Variants in INAVA observed in about 807,000 individuals in gnomAD.
INAVA encodes innate immunity activator.
Under a neutral mutation model 55.3 loss-of-function variants are expected in INAVA, and 32 were observed. The observed-to-expected ratio is 0.58, with a 90% CI of 0.44 to 0.78. The LOEUF (loss-of-function observed/expected upper bound fraction) is 0.78. INAVA is among the 30% of genes least tolerant of loss of function. The pLI is 0.00. For synonymous variants in INAVA, 294 were observed against 329.4 expected (o/e 0.89, Z 1.16); for missense variants, 756 against 786.4 (o/e 0.96, Z 0.46).
At chr1:200,892,524 G>A (rs1290614548), upstream of INAVA, among the ~76,000 whole-genome samples, 1 of 152,132 alleles carries the variant, frequency 6.6e-6, no homozygotes, top group Non-Finnish European at 1.5e-5. Context: ...CTCTTCCCTG[G>A]GGAAGGGCTC....
intron 1 of INAVA, among the ~76,000 whole-genome samples, chr1:200,897,994 C>T (rs1289771982): frequency 5.9e-5 from 9 of 152,154 alleles, no homozygotes; most frequent in Non-Finnish European, 1.0e-4. Context: ...TGCTCTTTTC[C>T]TTCTTGCCCT....
At chr1:200,906,257 G>C (rs1286092695) in intron 5 of INAVA, 1 of 152,316 alleles carries the variant, frequency 6.6e-6, no homozygotes, top group East Asian at 1.9e-4. Context: ...GGTGGCTCAC[G>C]CCTGTGATCC....
intron 8 of INAVA, 137 bp from the exon 9 acceptor site, chr1:200,911,316 C>T: frequency 1.2e-6 from 1 of 848,032 alleles, no homozygotes; most frequent in Non-Finnish European, 1.9e-6. Flanking sequence ...GAGACTTGAC[C>T]TAAGACCCTT....
intron 8 of INAVA, among the ~76,000 whole-genome samples, chr1:200,909,657 C>T (rs1423322531): frequency 1.3e-5 from 2 of 152,210 alleles, no homozygotes; most frequent in Non-Finnish European, 2.9e-5. Flanking sequence ...AAATTTTCTA[C>T]CCTTGCCATG....
intron 9 of INAVA, among the ~76,000 whole-genome samples, chr1:200,912,644 T>C (rs1653800324): frequency 6.6e-6 from 1 of 152,084 alleles, no homozygotes; most frequent in Non-Finnish European, 1.5e-5. Context: ...GCACCCACCC[T>C]CAAGCTAGAC....
In INAVA at chr1:200,910,756, A is replaced by G. The variant is rs370276138; in HGVS notation, c.960-697A>G. On this transcript the variant is annotated intron_variant, in intron 8 of 9. Transcript: ENST00000413687. Reference sequence around the variant, plus strand: ...GCCACCACACAGCAATAGATTTTATATTTTACATGCTACGAGGGCCATTTT... The same window carrying G: ...GCCACCACACAGCAATAGATTTTATGTTTTACATGCTACGAGGGCCATTTT... Among the ~76,000 whole-genome samples, 73 of 152,268 alleles carry G rather than the reference A, an allele frequency of 4.8e-4. 2 individuals are homozygous for G. The South Asian group carries it at 0.015, about 31-fold the overall frequency.
chr1:200,904,564 G>C (rs1347512241), intron 5 of INAVA, among the ~76,000 whole-genome samples: 1 of 152,226 alleles, frequency 6.6e-6, no homozygotes, highest in Non-Finnish European at 1.5e-5. Context: ...GTGTTGGACA[G>C]CATAGCCTTG....
intron 8 of INAVA, among the ~76,000 whole-genome samples, chr1:200,910,998 G>A (rs1366878712): frequency 6.6e-6 from 1 of 152,096 alleles, no homozygotes. Flanking sequence ...TGGACACGGT[G>A]TACCTAAGCT....
At chr1:200,908,038 G>T (rs573132105) in intron 6 of INAVA, 151 bp downstream of exon 6, 45 of 579,472 alleles carry the variant, frequency 7.8e-5, no homozygotes, top group Non-Finnish European at 1.2e-4. Flanking sequence ...GTCAATTTCC[G>T]CATGTCCTTG....
In INAVA at chr1:200,911,795, G is replaced by A. The variant is rs1473242364; in HGVS notation, c.1302G>A (p.Ala434=). The change falls in exon 9 of 10, where the codon GCG becomes GCA. Residue 434 remains alanine (A), a synonymous_variant. Coordinates refer to ENST00000413687, the MANE Select transcript of INAVA (RefSeq NM_001142569.3). The part of the protein sequence containing the change: ...KLLLPPGYFP[A]GRYVVVAESP... ...TGCTGCCGCCTGGCTATTTCCCGGCGGGGCGGTACGTGGTGGTGGCTGAGA... is the reference window on the plus strand; with the variant it reads ...TGCTGCCGCCTGGCTATTTCCCGGCAGGGCGGTACGTGGTGGTGGCTGAGA... 1.2e-6 allele frequency: 2 copies of A among 1,608,962 alleles called. No homozygotes were observed. Among genetic ancestry groups the A allele is most frequent in the Admixed American group, 3.3e-5 (2 of 59,778 alleles).
At position 200,908,781 on chromosome 1, in the gene INAVA, G is replaced by A. The variant is rs140927822; in HGVS notation, c.626G>A (p.Arg209Gln). Residue 209 changes from arginine to glutamine, a missense_variant, in exon 7 of 10, where the codon CGG (arginine) becomes CAG (glutamine). Physicochemically the swap from Arg to Gln is conservative, Grantham distance 43. Around this residue, in one of 2 missense-constraint regions of INAVA, gnomAD observed 639 missense variants for 624.3 expected, o/e 1.02. Transcript: ENST00000413687. ...CCAGAGTCTCCAGCCCCACCTTCTC[G>A]GCCTCTCCCACCCCAAACCCTTGAG... is the stretch of plus-strand genomic sequence containing the variant. ...PPPESPAPPS[R>Q]PLPPQTLEGL... The A allele has an allele frequency of 1.9e-5, 31 of 1,610,490 alleles. No individual in the cohort carries two copies. In the Middle Eastern group the frequency reaches 1.2e-3, roughly 60 times the overall value.
In INAVA at chr1:200,898,373, C is replaced by T. The variant is rs146986422; in HGVS notation, c.-28C>T. The T allele has an allele frequency of 5.0e-6, 8 of 1,614,202 alleles. No individual in the cohort carries two copies. The highest frequency in any genetic ancestry group is 6.8e-6 in the Non-Finnish European group (8 of 1,180,036). ...GGTCACGGTGTCCCCCCTCCCTGCT[C>T]TGTGCCCTCTCCTTCCAGAAATCCA... On this transcript the variant is annotated 5_prime_UTR_variant, in exon 2 of 10. Coordinates refer to ENST00000413687, the MANE Select transcript of INAVA (RefSeq NM_001142569.3).
chr1:200,899,970 G>A, intron 3 of INAVA, 134 bp from the exon 4 acceptor site: 1 of 705,470 alleles, frequency 1.4e-6, no homozygotes, highest in African/African-American at 1.8e-5. Flanking sequence ...AGACAGTGTG[G>A]AGGATGGGAT....
chr1:200,901,218 G>GGCTGT, intron 5 of INAVA, 59 bp downstream of exon 5: 1 of 1,420,508 alleles, frequency 7.0e-7, no homozygotes, highest in Non-Finnish European at 9.3e-7. Context: ...AGGGATGGTG[G>GGCTGT]GCGCACAGCC....
chr1:200,905,133 A>G (rs1653428396), intron 5 of INAVA, among the ~76,000 whole-genome samples: 1 of 152,172 alleles, frequency 6.6e-6, no homozygotes, highest in Non-Finnish European at 1.5e-5. Flanking sequence ...CCTAAAGCAA[A>G]GGCTACTTGT....
upstream of INAVA, chr1:200,891,710 G>A: frequency 3.4e-6 from 5 of 1,451,626 alleles, no homozygotes; most frequent in Non-Finnish European, 4.5e-6. Flanking sequence ...AGGTAAGCGG[G>A]AAAACTTCGG....
chr1:200,901,565 A>C (rs2102306022), intron 5 of INAVA, among the ~76,000 whole-genome samples: 1 of 152,330 alleles, frequency 6.6e-6, no homozygotes, highest in East Asian at 1.9e-4. Context: ...CGTGAGCCCA[A>C]GGCTCTGAGT....
chr1:200,912,932 C>T (rs572015353), intron 9 of INAVA, among the ~76,000 whole-genome samples: 2 of 152,230 alleles, frequency 1.3e-5, no homozygotes, highest in South Asian at 4.1e-4. Context: ...GCCTTGGTTT[C>T]CTTGGCCCCT....
rs751875030 is a variant in INAVA at position 200,911,489 on chromosome 1, T to A, written c.996T>A (p.Gly332=). ...DSFRAGPEGR[G]RSAFPRRRPT... ...TCCGGGCGGGTCCTGAGGGCCGAGGTCGCAGCGCCTTTCCCCGCCGCCGCC... is the reference window on the plus strand; with the variant it reads ...TCCGGGCGGGTCCTGAGGGCCGAGGACGCAGCGCCTTTCCCCGCCGCCGCC... Residue 332 remains glycine, a synonymous_variant, in exon 9 of 10, where the codon GGT becomes GGA. Transcript: ENST00000413687. 6.2e-7 allele frequency: 1 copy of A among 1,613,236 alleles called. No homozygotes were observed.
Sources: allele counts gnomAD v4.1 joint callset (sites outside exome capture counted in the v4.1 genomes callset), GRCh38; gene constraint gnomAD v4.1.1; regional missense constraint gnomAD v4.1.1; transcripts MANE v1.5; gene names NCBI Gene and HGNC (gene_info 2026-07-23, HGNC 2026-07-21).